Variants in XRCC5 observed in about 807,000 individuals in gnomAD.
XRCC5 encodes the protein DNA repair protein Ku80.
In XRCC5, 12 loss-of-function variants were observed where a neutral mutation model predicts 95.7. The observed-to-expected ratio is 0.13, with a 90% CI of 0.08 to 0.20. The LOEUF (loss-of-function observed/expected upper bound fraction) is 0.20. Ranked by LOEUF, XRCC5 falls within the 10% of genes least tolerant of loss-of-function variation. XRCC5 has a pLI of 1.00. For missense variants in XRCC5, 595 were observed against 873.9 expected, an observed-to-expected ratio of 0.68 and a Z score of 4.02; for synonymous variants, 281 against 290.3, an observed-to-expected ratio of 0.97 and a Z score of 0.33.
intron 2 of XRCC5, among the ~76,000 whole-genome samples, chr2:216,114,849 C>G (rs1696656333): frequency 6.6e-6 from 1 of 152,122 alleles, no homozygotes; most frequent in Non-Finnish European, 1.5e-5. Flanking sequence ...GCCGAGTTGC[C>G]GCTACTGAGC....
intron 16 of XRCC5, among the ~76,000 whole-genome samples, chr2:216,174,255 A>G (rs1387212781): frequency 6.6e-6 from 1 of 152,220 alleles, no homozygotes; most frequent in East Asian, 1.9e-4. Flanking sequence ...AATCCTATTA[A>G]TCTAAAACAC....
intron 14 of XRCC5, chr2:216,156,461 T>G: frequency 1.4e-6 from 1 of 694,038 alleles, no homozygotes. Context: ...ACAGCACTGG[T>G]CAGATCTACA....
rs759537060 is a variant in XRCC5, at chr2:216,116,773, A to G, written c.250A>G (p.Met84Val). 1 of 1,614,198 alleles carries G rather than the reference A, an allele frequency of 6.2e-7. No homozygotes were observed. Among genetic ancestry groups the G allele is most frequent in the South Asian group, 1.1e-5 (1 of 91,084 alleles). The change falls in exon 3 of 21, where the codon ATG becomes GTG. Residue 84 changes from methionine to valine, a missense_variant. By Grantham distance (21) the Met-to-Val change is conservative (BLOSUM62 1). Transcript: ENST00000392132. The part of the protein sequence containing the change: ...YQNITVHRHL[M>V]LPDFDLLEDI... ...GAACATCACAGTGCACAGACATCTG[A>G]TGCTACCAGATTTTGATTTGCTGGA... is the stretch of plus-strand genomic sequence containing the variant.
At chr2:216,170,251 ACAGTGTTCCTGTTTTCTCC>A (rs1377527046) in intron 16 of XRCC5, among the ~76,000 whole-genome samples, 1 of 152,090 alleles carries the variant, frequency 6.6e-6, no homozygotes, top group East Asian at 1.9e-4. Context: ...GAAATATATG[ACAGTGTTCCTGTTTTCTCC>A]CAGTGTTTTG....
chr2:216,123,894 A>G lies in XRCC5; in HGVS notation c.683+1641A>G, dbSNP rs189074367. On this transcript the variant is annotated intron_variant, in intron 6 of 20. Coordinates refer to ENST00000392132, the MANE Select transcript of XRCC5 (RefSeq NM_021141.4). Reference sequence around the variant, plus strand: ...TTTAAATTTTTCTGTAGCATATCAGATAGGGAAATTACTGACTATGCATTG... The same window carrying G: ...TTTAAATTTTTCTGTAGCATATCAGGTAGGGAAATTACTGACTATGCATTG... Among the ~76,000 whole-genome samples the G allele has an allele frequency of 5.1e-4, 77 of 152,328 alleles. 1 individual carries two copies. Among genetic ancestry groups the G allele is most frequent in the Admixed American group, 4.4e-3 (68 of 15,302 alleles).
At chr2:216,111,136 G>C (rs144754209) in intron 1 of XRCC5, among the ~76,000 whole-genome samples, 1 of 152,082 alleles carries the variant, frequency 6.6e-6, no homozygotes, top group South Asian at 2.1e-4. Flanking sequence ...TTTATCCCTC[G>C]TATGGAGTCG....
intron 16 of XRCC5, among the ~76,000 whole-genome samples, chr2:216,187,821 A>ACACACTCTCTCTCTCT (rs1312215177): frequency 2.1e-5 from 1 of 47,970 alleles, no homozygotes. Context: ...ACACACACAC[A>ACACACTCTCTCTCTCT]CTCTCTCTCT....
At chr2:216,157,707 A>C (rs1292240207) in intron 14 of XRCC5, among the ~76,000 whole-genome samples, 1 of 152,210 alleles carries the variant, frequency 6.6e-6, no homozygotes, top group Non-Finnish European at 1.5e-5. Context: ...TATTCAGTAA[A>C]TATTAGGCTA....
At chr2:216,180,823 T>C (rs376162544) in intron 16 of XRCC5, among the ~76,000 whole-genome samples, 1 of 151,662 alleles carries the variant, frequency 6.6e-6, no homozygotes, top group Admixed American at 6.6e-5. Flanking sequence ...TTTTTTTTTT[T>C]TTTTCCGAGA....
intron 16 of XRCC5, among the ~76,000 whole-genome samples, chr2:216,178,454 G>A (rs1465383321): frequency 5.9e-5 from 9 of 152,056 alleles, no homozygotes; most frequent in Non-Finnish European, 1.0e-4. Context: ...ATTGTTTTAG[G>A]GTATAATAAA....
At chr2:216,160,230 A>G (rs545328093) in intron 15 of XRCC5, 69 bp downstream of exon 15, 590 of 1,065,400 alleles carry the variant, frequency 5.5e-4, no homozygotes, top group Admixed American at 3.5e-3. Flanking sequence ...GAGTGCATCA[A>G]TTTTTGTTAG....
chr2:216,116,569 G>T (rs1216487863), intron 2 of XRCC5, 90 bp from the exon 3 acceptor site: 1 of 1,478,206 alleles, frequency 6.8e-7, no homozygotes, highest in African/African-American at 1.4e-5. Context: ...CCATAGGGAG[G>T]TCTGGTTGTC....
At chr2:216,183,659 C>T (rs1689435211) in intron 16 of XRCC5, among the ~76,000 whole-genome samples, 1 of 152,090 alleles carries the variant, frequency 6.6e-6, no homozygotes, top group Admixed American at 6.5e-5. Context: ...TTTTTCTGTT[C>T]TGAAAGGGAA....
intron 16 of XRCC5, among the ~76,000 whole-genome samples, chr2:216,181,158 C>A (rs1689379361): frequency 6.6e-6 from 1 of 152,112 alleles, no homozygotes; most frequent in Non-Finnish European, 1.5e-5. Context: ...ATCCATTTCT[C>A]TTCTGCTTTC....
intron 17 of XRCC5, among the ~76,000 whole-genome samples, chr2:216,191,446 T>C (rs947316418): frequency 1.4e-4 from 21 of 152,002 alleles, no homozygotes; most frequent in African/African-American, 4.6e-4. Context: ...ACTTTCACTC[T>C]TGTCGCCCAG....
chr2:216,128,532 T>G (rs530137165), intron 8 of XRCC5, among the ~76,000 whole-genome samples: 9 of 152,364 alleles, frequency 5.9e-5, no homozygotes, highest in Non-Finnish European at 1.0e-4. Flanking sequence ...GTTCTTGAAT[T>G]CAATTCTGTA....
At chr2:216,150,433 C>T (rs115213098) in intron 14 of XRCC5, among the ~76,000 whole-genome samples, 3 of 152,142 alleles carry the variant, frequency 2.0e-5, no homozygotes, top group Non-Finnish European at 4.4e-5. Context: ...TTCTGAGAAC[C>T]GTGTCATTAG....
At chr2:216,162,081 G>A in intron 16 of XRCC5, 33 bp downstream of exon 16, 30 of 1,583,072 alleles carry the variant, frequency 1.9e-5, no homozygotes, top group Non-Finnish European at 2.6e-5. Context: ...AGGAGAAGCT[G>A]TTTAGTTAAG....
At chr2:216,116,497 T>C (rs914846215) in intron 2 of XRCC5, 162 bp from the exon 3 acceptor site, 3 of 729,910 alleles carry the variant, frequency 4.1e-6, no homozygotes, top group Admixed American at 2.3e-5. Context: ...AACCTAAGAA[T>C]TGTCATTGTC....
Sources: gnomAD v4.1 joint callset for allele counts (sites outside exome capture counted in the v4.1 genomes callset) on GRCh38, gnomAD v4.1.1 for gene constraint, MANE v1.5 for transcripts, NCBI Gene and HGNC (gene_info 2026-07-23, HGNC 2026-07-21) for gene names.